The following CHRM2 variants were observed in gnomAD, a reference collection of about 807,000 sequenced individuals.
CHRM2 encodes the protein cholinergic receptor muscarinic 2.
In CHRM2, 8 loss-of-function variants were observed where a neutral mutation model predicts 25.0. That is an observed-to-expected ratio of 0.32 (90% confidence interval 0.19 to 0.58). CHRM2 has a LOEUF of 0.58. Ranked by LOEUF, CHRM2 falls within the 20% of genes least tolerant of loss-of-function variation. CHRM2 has a pLI of 0.88. For synonymous variants in CHRM2, 202 were observed against 205.7 expected, an observed-to-expected ratio of 0.98 and a Z score of 0.15; for missense variants, 440 against 567.1, an observed-to-expected ratio of 0.78 and a Z score of 2.28.
chr7:136,937,169 A>G (rs1168763138), intron 2 of CHRM2, among the ~76,000 whole-genome samples: 1 of 152,190 alleles, frequency 6.6e-6, no homozygotes, highest in Non-Finnish European at 1.5e-5. Context: ...TCAGGGATCT[A>G]CAGGAAGAAT....
At chr7:136,915,882 G>C (rs1241589529) in intron 2 of CHRM2, among the ~76,000 whole-genome samples, 1 of 144,374 alleles carries the variant, frequency 6.9e-6, no homozygotes, top group Non-Finnish European at 1.5e-5. Flanking sequence ...TTGGTTCTTT[G>C]AAATAGTGAA....
At chr7:136,988,472 T>A (rs545290711) in intron 2 of CHRM2, among the ~76,000 whole-genome samples, 14 of 152,316 alleles carry the variant, frequency 9.2e-5, no homozygotes, top group African/African-American at 3.4e-4. Context: ...ATTATCTCAT[T>A]TAATACTTGT....
intron 3 of CHRM2, among the ~76,000 whole-genome samples, chr7:136,995,174 C>T (rs1468610418): frequency 6.6e-6 from 1 of 151,820 alleles, no homozygotes; most frequent in African/African-American, 2.4e-5. Flanking sequence ...TAACATATTC[C>T]CTATAGTCTA....
chr7:136,883,275 T>C lies in CHRM2; in HGVS notation c.-125+13857T>C, dbSNP rs76313459. Among the ~76,000 whole-genome samples the C allele has an allele frequency of 3.0e-3, 454 of 152,252 alleles. 1 individual carries two copies. The highest frequency in any genetic ancestry group is 5.1e-3 in the Non-Finnish European group (344 of 67,990). ...CTTTCCCTGTCTTCAGCCTCCGGTG[T>C]CTCCCAAAGGGTACTACAGTTTCAG... is the stretch of plus-strand genomic sequence containing the variant. On this transcript the variant is annotated intron_variant, in intron 2 of 3. Transcript: ENST00000680005.
chr7:136,992,582 T>C (rs970134621), intron 3 of CHRM2, among the ~76,000 whole-genome samples: 2 of 152,132 alleles, frequency 1.3e-5, no homozygotes, highest in Non-Finnish European at 2.9e-5. Flanking sequence ...TACATCAAAA[T>C]TTCCTGAGTT....
At chr7:136,898,482 A>G (rs952005768) in intron 2 of CHRM2, among the ~76,000 whole-genome samples, 1 of 150,152 alleles carries the variant, frequency 6.7e-6, no homozygotes, top group Non-Finnish European at 1.5e-5. Flanking sequence ...TGACTATTCA[A>G]TTGCATGCCT....
At chr7:136,919,381 C>T (rs1798297039) in intron 2 of CHRM2, among the ~76,000 whole-genome samples, 1 of 151,930 alleles carries the variant, frequency 6.6e-6, no homozygotes, top group Non-Finnish European at 1.5e-5. Context: ...TATGGTTTAC[C>T]TTAATTTGAT....
At chr7:137,011,801 T>C (rs1804845269) in intron 3 of CHRM2, among the ~76,000 whole-genome samples, 1 of 152,090 alleles carries the variant, frequency 6.6e-6, no homozygotes, top group Non-Finnish European at 1.5e-5. Context: ...AGGTGATGGT[T>C]CCACCTAACA....
intron 2 of CHRM2, among the ~76,000 whole-genome samples, chr7:136,942,122 C>T (rs1439029868): frequency 6.6e-6 from 1 of 152,158 alleles, no homozygotes; most frequent in African/African-American, 2.4e-5. Flanking sequence ...GTCTTACTGT[C>T]AAACACCCAG....
chr7:136,897,594 T>C (rs1796973047), intron 2 of CHRM2, among the ~76,000 whole-genome samples: 1 of 152,064 alleles, frequency 6.6e-6, no homozygotes, highest in South Asian at 2.1e-4. Context: ...GTTTTCTGCC[T>C]TTGCTTTTTG....
chr7:136,884,635 T>C (rs1055102023), intron 2 of CHRM2, among the ~76,000 whole-genome samples: 5 of 152,150 alleles, frequency 3.3e-5, no homozygotes, highest in Non-Finnish European at 7.4e-5. Context: ...GGTGATAGAA[T>C]GTGCTCCCAG....
chr7:137,005,886 C>T (rs1209839209), intron 3 of CHRM2, among the ~76,000 whole-genome samples: 3 of 152,092 alleles, frequency 2.0e-5, no homozygotes, highest in African/African-American at 4.8e-5. Context: ...TTCTAAAAGC[C>T]GACTATACAA....
intron 2 of CHRM2, among the ~76,000 whole-genome samples, chr7:136,940,307 G>T (rs534992562): frequency 6.6e-6 from 1 of 152,328 alleles, no homozygotes; most frequent in South Asian, 2.1e-4. Context: ...ATTTGAAGCA[G>T]TACAGTATAC....
intron 2 of CHRM2, among the ~76,000 whole-genome samples, chr7:136,980,069 A>G (rs560841073): frequency 6.6e-6 from 1 of 152,292 alleles, no homozygotes; most frequent in East Asian, 1.9e-4. Context: ...GATTCTTCCT[A>G]TCCATGAGCA....
chr7:136,872,508 GTCAA>G (rs1795881664), intron 2 of CHRM2, among the ~76,000 whole-genome samples: 1 of 152,188 alleles, frequency 6.6e-6, no homozygotes, highest in African/African-American at 2.4e-5. Context: ...AGTCCAGATA[GTCAA>G]GCATCCAGAT....
chr7:136,924,156 A>T (rs936809087), intron 2 of CHRM2, among the ~76,000 whole-genome samples: 11 of 152,152 alleles, frequency 7.2e-5, no homozygotes, highest in Admixed American at 3.9e-4. Context: ...AAGAAACAAC[A>T]TGTGTGTGCA....
chr7:136,962,426 C>T (rs923105851), intron 2 of CHRM2, among the ~76,000 whole-genome samples: 5 of 152,060 alleles, frequency 3.3e-5, no homozygotes, highest in Admixed American at 6.6e-5. Context: ...TAAGCCACTG[C>T]GCCCGGCCAC....
At chr7:136,920,813 T>C (rs890451841) in intron 2 of CHRM2, among the ~76,000 whole-genome samples, 1 of 152,128 alleles carries the variant, frequency 6.6e-6, no homozygotes, top group African/African-American at 2.4e-5. Context: ...TTCAAATTCT[T>C]CATCAGCTCA....
intron 2 of CHRM2, among the ~76,000 whole-genome samples, chr7:136,956,413 A>C (rs1800727047): frequency 6.6e-6 from 1 of 152,216 alleles, no homozygotes; most frequent in African/African-American, 2.4e-5. Context: ...ACTCTTAGTC[A>C]TCTAGAAAAA....
Sources: allele counts gnomAD v4.1 joint callset (sites outside exome capture counted in the v4.1 genomes callset), GRCh38; gene constraint gnomAD v4.1.1; transcripts MANE v1.5; gene names NCBI Gene and HGNC (gene_info 2026-07-23, HGNC 2026-07-21).